The following MGAT4C variants were observed in gnomAD, a reference collection of about 807,000 sequenced individuals.
MGAT4C encodes alpha-1,3-mannosyl-glycoprotein 4-beta-N-acetylglucosaminyltransferase C.
Under a neutral mutation model 40.1 loss-of-function variants are expected in MGAT4C, and 19 were observed. That is an observed-to-expected ratio of 0.47 (90% CI 0.33 to 0.70). MGAT4C has a LOEUF of 0.70. Ranked by LOEUF, MGAT4C falls within the 30% of genes least tolerant of loss-of-function variation. The probability of loss-of-function intolerance (pLI) is 0.02; values close to 1 mark genes in which losing one functional copy is unlikely to be tolerated. For synonymous variants in MGAT4C, 181 were observed against 187.1 expected (o/e 0.97, Z 0.27); for missense variants, 491 against 563.2 (o/e 0.87, Z 1.30).
intron 2 of MGAT4C, among the ~76,000 whole-genome samples, chr12:86,583,396 C>A (rs1960874408): frequency 6.6e-6 from 1 of 151,144 alleles, no homozygotes; most frequent in Non-Finnish European, 1.5e-5. Flanking sequence ...TAAAGAAAAC[C>A]ATTAGCAACA....
At chr12:86,313,723 T>C (rs1954133295) in intron 4 of MGAT4C, among the ~76,000 whole-genome samples, 1 of 152,212 alleles carries the variant, frequency 6.6e-6, no homozygotes, top group Admixed American at 6.5e-5. Flanking sequence ...GCTAATATGA[T>C]AAAATAACTA....
intron 4 of MGAT4C, among the ~76,000 whole-genome samples, chr12:86,309,804 C>T (rs1954024436): frequency 6.6e-6 from 1 of 152,188 alleles, no homozygotes; most frequent in Non-Finnish European, 1.5e-5. Flanking sequence ...TCTTATTTCT[C>T]TGATGACCTC....
At chr12:86,746,930 A>G (rs1951162551) in intron 1 of MGAT4C, among the ~76,000 whole-genome samples, 1 of 151,640 alleles carries the variant, frequency 6.6e-6, no homozygotes, top group Admixed American at 6.6e-5. Context: ...GCCATTTGAA[A>G]GCAAAAATAT....
At chr12:86,573,362 T>C (rs1482837831) in intron 2 of MGAT4C, among the ~76,000 whole-genome samples, 1 of 152,038 alleles carries the variant, frequency 6.6e-6, no homozygotes, top group Non-Finnish European at 1.5e-5. Context: ...TAATTGTATC[T>C]ATAAGAAAAT....
rs113622979 is a variant in MGAT4C at position 86,454,741 on chromosome 12, T to A, written c.-228-19476A>T. On this transcript the variant is annotated intron_variant, in intron 2 of 7. Transcript: ENST00000548651. ...GCAAATTCAATGATATGGGGAAAAA[T>A]TTAATAACAGCGATAGCAGTTTGGT... 4.7e-3 allele frequency among the ~76,000 whole-genome samples: 720 copies of A among 152,180 alleles called. 3 individuals carry two copies. The highest frequency in any genetic ancestry group is 0.017 in the African/African-American group (690 of 41,526).
chr12:86,137,174 T>C (rs998964919), intron 1 of MGAT4C, among the ~76,000 whole-genome samples: 1 of 152,186 alleles, frequency 6.6e-6, no homozygotes, highest in East Asian at 1.9e-4. Context: ...CCCATTCATA[T>C]TCCTTTCTTA....
At chr12:86,219,153 C>T (rs969417471) in intron 1 of MGAT4C, among the ~76,000 whole-genome samples, 1 of 151,716 alleles carries the variant, frequency 6.6e-6, no homozygotes, top group Non-Finnish European at 1.5e-5. Context: ...GCACTCCAGC[C>T]TGATGACAGA....
intron 1 of MGAT4C, among the ~76,000 whole-genome samples, chr12:86,749,803 T>C (rs2136139939): frequency 6.6e-6 from 1 of 151,832 alleles, no homozygotes; most frequent in East Asian, 2.0e-4. Context: ...GTAAATAGAG[T>C]CCCATTTAGC....
chr12:86,339,314 T>C (rs1231495808), intron 3 of MGAT4C, among the ~76,000 whole-genome samples: 1 of 152,132 alleles, frequency 6.6e-6, no homozygotes, highest in Non-Finnish European at 1.5e-5. Flanking sequence ...GCTACTATTA[T>C]CTAAGAAGAT....
chr12:86,774,305 TTC>T (rs1951697826), intron 1 of MGAT4C, among the ~76,000 whole-genome samples: 2 of 37,654 alleles, frequency 5.3e-5, no homozygotes, highest in Admixed American at 7.6e-4. Context: ...CTTTCTTTCT[TTC>T]TTTCTTTCTT....
intron 3 of MGAT4C, among the ~76,000 whole-genome samples, chr12:86,344,854 A>T (rs201665432): frequency 2.0e-5 from 3 of 151,742 alleles, no homozygotes; most frequent in East Asian, 3.9e-4. Flanking sequence ...AATACATGTG[A>T]CATATTGACA....
intron 1 of MGAT4C, among the ~76,000 whole-genome samples, chr12:86,194,596 A>C (rs1299484249): frequency 6.6e-6 from 1 of 151,626 alleles, no homozygotes; most frequent in African/African-American, 2.4e-5. Flanking sequence ...CTGGGATTAC[A>C]GGTGCCTGGC....
intron 1 of MGAT4C, among the ~76,000 whole-genome samples, chr12:86,193,639 T>C (rs976952668): frequency 1.3e-5 from 2 of 152,132 alleles, no homozygotes; most frequent in African/African-American, 4.8e-5. Flanking sequence ...GGTACAGCAT[T>C]CTAGTTTGGC....
Position 85,957,657 on chromosome 12 carries a change from C to CAAAAAAAAAAAAAAAAAAAAAAAAAAAAA in MGAT4C, c.*21631_*21632insTTTTTTTTTTTTTTTTTTTTTTTTTTTTT, listed in dbSNP as rs5799763. ...TTTACTGTAGAGTTGAATAAGAAAG[C>CAAAAAAAAAAAAAAAAAAAAAAAAAAAAA]AAAAAAAAAAAAAAAAGAAAAAAGA... On this transcript the variant is annotated 3_prime_UTR_variant, in exon 5 of 5. Transcript: ENST00000611864. 9.9e-6 allele frequency: 1 copy of CAAAAAAAAAAAAAAAAAAAAAAAAAAAAA among 101,306 alleles called. No homozygotes were observed. The highest frequency in any genetic ancestry group is 1.9e-5 in the Non-Finnish European group (1 of 52,742). 6.3% of individuals were successfully genotyped at this position (101,306 alleles called of 1,614,324 possible).
At chr12:86,708,411 C>G (rs1950499732) in intron 2 of MGAT4C, among the ~76,000 whole-genome samples, 1 of 152,194 alleles carries the variant, frequency 6.6e-6, no homozygotes, top group Non-Finnish European at 1.5e-5. Context: ...GGGTGGGGCC[C>G]TCATGGAGAA....
intron 1 of MGAT4C, among the ~76,000 whole-genome samples, chr12:86,132,463 A>G (rs1276647288): frequency 6.6e-6 from 1 of 152,132 alleles, no homozygotes; most frequent in Non-Finnish European, 1.5e-5. Context: ...AAACAATTAC[A>G]CTACCTGTAG....
At chr12:86,789,689 T>C (rs1214190492) in intron 1 of MGAT4C, among the ~76,000 whole-genome samples, 1 of 152,118 alleles carries the variant, frequency 6.6e-6, no homozygotes, top group Non-Finnish European at 1.5e-5. Context: ...ATGACATGTG[T>C]TAAAGGATTT....
At chr12:86,610,753 C>G (rs1169647323) in intron 2 of MGAT4C, among the ~76,000 whole-genome samples, 2 of 148,618 alleles carry the variant, frequency 1.3e-5, no homozygotes, top group African/African-American at 5.0e-5. Flanking sequence ...CTACCCCACC[C>G]CACAGCAGTC....
At chr12:86,211,328 C>T (rs11103886) in intron 1 of MGAT4C, among the ~76,000 whole-genome samples, 36,663 of 141,776 alleles carry the variant, frequency 0.26, 5,731 homozygotes, top group Admixed American at 0.38. Context: ...TCTGGGAGGC[C>T]GAGATGGGCG....
Sources: allele counts gnomAD v4.1 joint callset (sites outside exome capture counted in the v4.1 genomes callset), GRCh38; gene constraint gnomAD v4.1.1; transcripts MANE v1.5; gene names NCBI Gene and HGNC (gene_info 2026-07-23, HGNC 2026-07-21).